Variants in FAM76A observed in about 807,000 individuals in gnomAD.
FAM76A encodes the protein protein FAM76A.
FAM76A carries 32 observed loss-of-function variants against 46.2 expected under a neutral mutation model. That is an observed-to-expected ratio of 0.69 (90% CI 0.52 to 0.93). FAM76A has a LOEUF of 0.93. FAM76A is among the 40% of genes least tolerant of loss of function. FAM76A has a pLI of 0.00. For missense variants in FAM76A, 274 were observed against 361.5 expected (o/e 0.76, Z 1.96); for synonymous variants, 137 against 127.0 (o/e 1.08, Z -0.53).
At chr1:27,743,099 G>C (rs763432328) in intron 4 of FAM76A, among the ~76,000 whole-genome samples, 1 of 151,968 alleles carries the variant, frequency 6.6e-6, no homozygotes, top group Non-Finnish European at 1.5e-5. Flanking sequence ...GAGGTAATGC[G>C]TGTTAATTAG....
At chr1:27,744,615 A>C in intron 4 of FAM76A, 39 bp from the exon 5 acceptor site, 1 of 1,609,098 alleles carries the variant, frequency 6.2e-7, no homozygotes, top group South Asian at 1.1e-5. Context: ...CCACTGCGCT[A>C]AATTCCCTCT....
At chr1:27,737,194 C>G (rs1232269730) in intron 4 of FAM76A, among the ~76,000 whole-genome samples, 2 of 152,148 alleles carry the variant, frequency 1.3e-5, no homozygotes, top group Non-Finnish European at 1.5e-5. Flanking sequence ...GGTGATCTAC[C>G]CGCCTCAGCC....
chr1:27,754,776 G>A (rs551132836), intron 6 of FAM76A, among the ~76,000 whole-genome samples: 1 of 152,158 alleles, frequency 6.6e-6, no homozygotes, highest in Non-Finnish European at 1.5e-5. Flanking sequence ...TCTGAGGGAA[G>A]CATTAAAGAA....
chr1:27,755,133 C>G, intron 6 of FAM76A, 62 bp from the exon 7 acceptor site: 2 of 1,591,990 alleles, frequency 1.3e-6, no homozygotes, highest in Non-Finnish European at 1.7e-6. Context: ...AGGATGCATC[C>G]TCAGGTAGAG....
chr1:27,740,263 AC>A (rs2088129195), intron 4 of FAM76A: 2 of 727,334 alleles, frequency 2.7e-6, no homozygotes, highest in Admixed American at 3.6e-5. Context: ...TTGATTGAAG[AC>A]ATTTGGGAGA....
chr1:27,728,406 G>A (rs997760437), intron 2 of FAM76A, among the ~76,000 whole-genome samples: 3 of 152,186 alleles, frequency 2.0e-5, no homozygotes, highest in East Asian at 1.9e-4. Flanking sequence ...AGGTTGGGGT[G>A]CAGTGGAGCC....
At chr1:27,754,924 T>C (rs958177422) in intron 6 of FAM76A, among the ~76,000 whole-genome samples, 15 of 152,206 alleles carry the variant, frequency 9.9e-5, no homozygotes, top group Admixed American at 5.2e-4. Flanking sequence ...TCTTGGGATG[T>C]GGCATTTATT....
At chr1:27,748,938 A>C (rs2088290554) in intron 5 of FAM76A, 130 bp from the exon 6 acceptor site, 1 of 578,914 alleles carries the variant, frequency 1.7e-6, no homozygotes, top group African/African-American at 1.9e-5. Context: ...ATTCTTTATT[A>C]ATCAAGAATT....
chr1:27,749,214 A>G (rs1172617184), intron 6 of FAM76A, 60 bp downstream of exon 6: 1 of 1,181,308 alleles, frequency 8.5e-7, no homozygotes, highest in Non-Finnish European at 1.2e-6. Context: ...TTCCTGAAAC[A>G]GGAATACATT....
At chr1:27,757,330 G>A (rs1187130413) in intron 7 of FAM76A, among the ~76,000 whole-genome samples, 2 of 148,196 alleles carry the variant, frequency 1.3e-5, no homozygotes, top group African/African-American at 5.0e-5. Context: ...ATAGCTAGCT[G>A]GGACTACAGG....
chr1:27,735,542 A>G (rs1251373005), intron 4 of FAM76A, among the ~76,000 whole-genome samples: 1 of 152,172 alleles, frequency 6.6e-6, no homozygotes, highest in Non-Finnish European at 1.5e-5. Context: ...TCATTAACTT[A>G]CAATGGAAGG....
intron 6 of FAM76A, among the ~76,000 whole-genome samples, chr1:27,753,304 G>A (rs1190348719): frequency 6.6e-6 from 1 of 152,150 alleles, no homozygotes; most frequent in Non-Finnish European, 1.5e-5. Flanking sequence ...GAAGGGTAGG[G>A]CATTAAGAGG....
At chr1:27,738,152 G>A (rs904158038) in intron 4 of FAM76A, among the ~76,000 whole-genome samples, 42 of 152,026 alleles carry the variant, frequency 2.8e-4, no homozygotes, top group Non-Finnish European at 7.4e-5. Flanking sequence ...TTGAGCCCAG[G>A]AGTTCGAGTC....
intron 4 of FAM76A, chr1:27,740,613 A>G (rs780837725): frequency 6.9e-6 from 5 of 723,902 alleles, no homozygotes; most frequent in Non-Finnish European, 1.2e-5. Flanking sequence ...ACTCAAAAAC[A>G]TTCTCTTGAT....
At chr1:27,759,171 C>A (rs2088462603) in intron 7 of FAM76A, among the ~76,000 whole-genome samples, 1 of 152,142 alleles carries the variant, frequency 6.6e-6, no homozygotes, top group South Asian at 2.1e-4. Flanking sequence ...TTAACCCTTT[C>A]TAAAGATCAG....
At chr1:27,740,080 A>G (rs1286319162) in intron 4 of FAM76A, 11 of 416,522 alleles carry the variant, frequency 2.6e-5, no homozygotes, top group East Asian at 5.6e-5. Context: ...TTTGTTCCCA[A>G]CGTCACCTTT....
At chr1:27,758,467 T>C (rs1186192043) in intron 7 of FAM76A, among the ~76,000 whole-genome samples, 1 of 152,192 alleles carries the variant, frequency 6.6e-6, no homozygotes, top group Non-Finnish European at 1.5e-5. Context: ...TGAACACTTG[T>C]TTCTACTGCT....
intron 2 of FAM76A, among the ~76,000 whole-genome samples, chr1:27,728,042 G>A (rs1333532614): frequency 4.0e-5 from 6 of 151,872 alleles, no homozygotes; most frequent in Non-Finnish European, 1.5e-5. Context: ...TCCTGACCTC[G>A]TGATCCACCC....
At chr1:27,749,226 A>G in intron 6 of FAM76A, 72 bp downstream of exon 6, 3 of 1,044,540 alleles carry the variant, frequency 2.9e-6, no homozygotes, top group Non-Finnish European at 4.2e-6. Flanking sequence ...GAATACATTT[A>G]GGGTCTGCCT....
Sources: gnomAD v4.1 joint callset for allele counts (sites outside exome capture counted in the v4.1 genomes callset) on GRCh38, gnomAD v4.1.1 for gene constraint, MANE v1.5 for transcripts, NCBI Gene and HGNC (gene_info 2026-07-23, HGNC 2026-07-21) for gene names.